Variants in TMEM272 observed in about 807,000 individuals in gnomAD.
TMEM272 encodes the protein long intergenic non-protein coding RNA 282.
TMEM272 carries 8 observed loss-of-function variants against 3.7 expected under a neutral mutation model. The ratio of observed to expected loss-of-function variants is 2.17; its 90% CI spans 1.27 to 3.91. The LOEUF (loss-of-function observed/expected upper bound fraction) is 3.91. Ranked by LOEUF, TMEM272 falls within the 30% of genes most tolerant of loss-of-function variation. TMEM272 has a pLI of 0.00. For synonymous variants in TMEM272, 63 were observed against 39.8 expected, an observed-to-expected ratio of 1.58 and a Z score of -2.20; for missense variants, 166 against 91.5, an observed-to-expected ratio of 1.81 and a Z score of -3.32.
chr13:51,823,512 G>A (rs906705794), intron 3 of TMEM272, among the ~76,000 whole-genome samples: 2 of 152,234 alleles, frequency 1.3e-5, no homozygotes. Context: ...CACATTGCCT[G>A]AGAAGTCCCC....
the TMEM272 span, chr13:51,908,830 G>A: frequency 1.0e-5 from 15 of 1,439,536 alleles, no homozygotes; most frequent in African/African-American, 8.4e-5. Context: ...CTACGGTCCT[G>A]TTCCCACGGA....
chr13:51,917,476 C>A, the TMEM272 span, among the ~76,000 whole-genome samples: 1 of 152,144 alleles, frequency 6.6e-6, no homozygotes, highest in Non-Finnish European at 1.5e-5. Context: ...CCATCTTCTG[C>A]CACCCCTGCC....
intron 1 of TMEM272, among the ~76,000 whole-genome samples, chr13:51,839,146 G>A (rs1423498971): frequency 3.9e-5 from 6 of 152,104 alleles, no homozygotes; most frequent in Non-Finnish European, 8.8e-5. Flanking sequence ...CCTGGGTGGA[G>A]ACCCGAGCGG....
chr13:51,819,524 G>C (rs1436710712), intron 4 of TMEM272, among the ~76,000 whole-genome samples: 1 of 152,188 alleles, frequency 6.6e-6, no homozygotes, highest in Non-Finnish European at 1.5e-5. Flanking sequence ...GGAAAGAGCC[G>C]TGGCAAGTGG....
chr13:51,908,571 C>G, the TMEM272 span: 8,084 of 1,497,330 alleles, frequency 5.4e-3, 81 homozygotes, highest in African/African-American at 0.043. Flanking sequence ...GCCAGGGCCA[C>G]TCACTTCATT....
chr13:51,895,487 T>C, the TMEM272 span, among the ~76,000 whole-genome samples: 2 of 152,228 alleles, frequency 1.3e-5, no homozygotes, highest in East Asian at 3.9e-4. Context: ...ATTCTGGCTG[T>C]CTCTTGGATA....
the TMEM272 span, among the ~76,000 whole-genome samples, chr13:51,887,062 C>T: frequency 5.9e-5 from 9 of 152,168 alleles, no homozygotes; most frequent in East Asian, 1.9e-4. Flanking sequence ...GGATCTAAAA[C>T]GCTATAAAGG....
chr13:51,903,406 T>TGGGA, the TMEM272 span, among the ~76,000 whole-genome samples: 1 of 151,958 alleles, frequency 6.6e-6, no homozygotes, highest in East Asian at 1.9e-4. Context: ...CTGTTGGAAA[T>TGGGA]GGGAGGGAGG....
the TMEM272 span, chr13:51,910,099 A>ACT: frequency 1.8e-6 from 2 of 1,087,444 alleles, no homozygotes; most frequent in African/African-American, 3.1e-5. Context: ...TCTTCTAGAG[A>ACT]CTGTATCTTT....
chr13:51,896,521 C>T, the TMEM272 span, among the ~76,000 whole-genome samples: 1 of 152,200 alleles, frequency 6.6e-6, no homozygotes, highest in Admixed American at 6.5e-5. Flanking sequence ...TCTGCAGTCA[C>T]TGCCCTCTGG....
intron 2 of TMEM272, among the ~76,000 whole-genome samples, chr13:51,837,526 G>A (rs12876049): frequency 0.065 from 9,912 of 152,276 alleles, 429 homozygotes; most frequent in Admixed American, 0.12. Context: ...AGGGCTGTGC[G>A]TTAGGAGAAT....
the TMEM272 span, among the ~76,000 whole-genome samples, chr13:51,880,695 T>C: frequency 6.6e-6 from 1 of 152,202 alleles, no homozygotes; most frequent in East Asian, 1.9e-4. Flanking sequence ...CAAGACTATT[T>C]TTTTCCATTG....
At chr13:51,858,976 A>C in the TMEM272 span, among the ~76,000 whole-genome samples, 1 of 152,196 alleles carries the variant, frequency 6.6e-6, no homozygotes, top group African/African-American at 2.4e-5. Context: ...ATATTAAAAA[A>C]GAAGAACGGT....
At chr13:51,884,291 G>T in the TMEM272 span, among the ~76,000 whole-genome samples, 3 of 152,258 alleles carry the variant, frequency 2.0e-5, no homozygotes, top group Non-Finnish European at 4.4e-5. Flanking sequence ...ATTTTCCACA[G>T]ATGGGGAGCC....
chr13:51,920,851 G>A, the TMEM272 span, among the ~76,000 whole-genome samples: 1 of 152,282 alleles, frequency 6.6e-6, no homozygotes, highest in South Asian at 2.1e-4. Flanking sequence ...ACCTACAATT[G>A]CGACAGTCAC....
At chr13:51,881,363 TTTA>T in the TMEM272 span, among the ~76,000 whole-genome samples, 1 of 132,190 alleles carries the variant, frequency 7.6e-6, no homozygotes, top group Non-Finnish European at 1.7e-5. Context: ...TAATAACTCT[TTTA>T]AAAAAAATCA....
chr13:51,898,854 C>T, the TMEM272 span, among the ~76,000 whole-genome samples: 1 of 152,016 alleles, frequency 6.6e-6, no homozygotes, highest in South Asian at 2.1e-4. Context: ...ATTTCCTGAT[C>T]TACCACTCAC....
At chr13:51,876,870 T>TGG in the TMEM272 span, among the ~76,000 whole-genome samples, 1 of 152,178 alleles carries the variant, frequency 6.6e-6, no homozygotes. Context: ...GGGTTTGAGG[T>TGG]GCAAGCTGGA....
At chr13:51,858,959 A>G in the TMEM272 span, among the ~76,000 whole-genome samples, 1 of 152,276 alleles carries the variant, frequency 6.6e-6, no homozygotes, top group African/African-American at 2.4e-5. Context: ...GATGGTCTTA[A>G]GCACACATAT....
Sources: allele counts gnomAD v4.1 joint callset (sites outside exome capture counted in the v4.1 genomes callset), GRCh38; gene constraint gnomAD v4.1.1; transcripts MANE v1.5; gene names NCBI Gene and HGNC (gene_info 2026-07-23, HGNC 2026-07-21).